Variants in FBN1 observed in about 807,000 individuals in gnomAD.
FBN1 encodes fibrillin-1.
A neutral mutation model predicts 365.1 loss-of-function variants in FBN1; 29 were observed. That is an observed-to-expected ratio of 0.08 (90% CI 0.06 to 0.11). FBN1 has a LOEUF of 0.11. Ranked by LOEUF, FBN1 falls within the 10% of genes least tolerant of loss-of-function variation. The probability of loss-of-function intolerance (pLI) is 1.00; values close to 1 mark genes in which losing one functional copy is unlikely to be tolerated. For missense variants in FBN1, 2,476 were observed against 3,703.2 expected (o/e 0.67, Z 8.60); for synonymous variants, 1,210 against 1,270.5 (o/e 0.95, Z 1.01).
chr15:48,489,956 A>G lies in FBN1; in HGVS notation c.2977T>C (p.Cys993Arg), dbSNP rs1206813753. The change falls in exon 25 of 66, where the codon TGC becomes CGC. Residue 993 changes from cysteine (C) to arginine (R), a missense_variant. Around this residue, in one of 5 missense-constraint regions of FBN1, gnomAD observed 1,780 missense variants for 2,840.8 expected, o/e 0.63. Coordinates refer to ENST00000316623, the MANE Select transcript of FBN1 (RefSeq NM_000138.5). ...GTATTTCTCATGGGACACTCCTCGC[A>G]TTCCTCAGTACCCCAGGCTGCCCCG... The part of the protein sequence containing the change: ...SVGAAWGTEE[C>R]EECPMRNTPE... 6.2e-7 allele frequency: 1 copy of G among 1,614,018 alleles called. No homozygotes were observed. The highest frequency in any genetic ancestry group is 8.5e-7 in the Non-Finnish European group (1 of 1,180,032).
Position 48,441,816 on chromosome 15 carries a change from A to G in FBN1, c.6068T>C (p.Ile2023Thr), listed in dbSNP as rs363803. ...GTTACTGCATGTGCCCAGGGCACAAATTTCTGGCTCTTCGACACACTCATC... is the reference window on the plus strand; with the variant it reads ...GTTACTGCATGTGCCCAGGGCACAAGTTTCTGGCTCTTCGACACACTCATC... ...DIDECVEEPE[I>T]CALGTCSNTE... The change falls in exon 50 of 66, where the codon ATT (isoleucine) becomes ACT (threonine). Residue 2023 changes from isoleucine (I) to threonine (T), a missense_variant. Physicochemically the swap from Ile to Thr is moderately conservative, Grantham distance 89 (BLOSUM62 -1). This residue lies in a region of FBN1 where 1,780 missense variants were observed against 2,840.8 expected (regional missense o/e 0.63). Coordinates refer to ENST00000316623, the MANE Select transcript of FBN1 (RefSeq NM_000138.5). 1 of 1,613,634 alleles carries G rather than the reference A, an allele frequency of 6.2e-7. No homozygotes were observed. Among genetic ancestry groups the G allele is most frequent in the Non-Finnish European group, 8.5e-7 (1 of 1,179,640 alleles).
chr15:48,414,641 A>C (rs1435495724), intron 64 of FBN1, among the ~76,000 whole-genome samples: 3 of 152,200 alleles, frequency 2.0e-5, no homozygotes, highest in Admixed American at 2.0e-4. Flanking sequence ...TCTCGCCTGT[A>C]ATCTCAGCAC....
chr15:48,470,023 G>A (rs9989269), intron 36 of FBN1, among the ~76,000 whole-genome samples: 1 of 151,986 alleles, frequency 6.6e-6, no homozygotes, highest in African/African-American at 2.4e-5. Flanking sequence ...TGAACAGAGG[G>A]GTGAATTAGG....
intron 43 of FBN1, among the ~76,000 whole-genome samples, chr15:48,458,988 C>T (rs973795323): frequency 6.6e-6 from 1 of 152,222 alleles, no homozygotes; most frequent in African/African-American, 2.4e-5. Flanking sequence ...GTTCTGGTCC[C>T]AGCTCTGTTA....
chr15:48,421,985 G>C lies in FBN1; in HGVS notation c.7537C>G (p.Pro2513Ala). ...TIGGFTCKCP[P>A]GFTQHHTSCI... ...GACGTATGGTGTTGGGTAAATCCGG[G>C]AGGACATTTGCATGTGAAGCCGCCA... Residue 2513 changes from proline (P) to alanine (A), a missense_variant, in exon 61 of 66, where the codon CCC becomes GCC. Pro to Ala is a conservative substitution (Grantham distance 27). Transcript: ENST00000316623. 2 of 1,614,032 alleles carry C rather than the reference G, an allele frequency of 1.2e-6. No individual in the cohort carries two copies. The highest frequency in any genetic ancestry group is 1.7e-6 in the Non-Finnish European group (2 of 1,179,924).
At chr15:48,634,328 A>T (rs1377994389) in intron 2 of FBN1, among the ~76,000 whole-genome samples, 3 of 152,192 alleles carry the variant, frequency 2.0e-5, no homozygotes, top group Non-Finnish European at 4.4e-5. Flanking sequence ...CTTTTCTGGC[A>T]TCCAAGTGTC....
chr15:48,521,062 A>G (rs2043851027), intron 9 of FBN1, among the ~76,000 whole-genome samples: 1 of 152,192 alleles, frequency 6.6e-6, no homozygotes, highest in Non-Finnish European at 1.5e-5. Context: ...TCCATACCCA[A>G]GGTGGGAACG....
chr15:48,632,262 G>A (rs1231881130), intron 2 of FBN1, among the ~76,000 whole-genome samples: 8 of 152,148 alleles, frequency 5.3e-5, no homozygotes, highest in Non-Finnish European at 1.2e-4. Flanking sequence ...ATGAGAAAGT[G>A]GAGACTGTGG....
At chr15:48,645,398 C>G (rs920892907) in intron 1 of FBN1, among the ~76,000 whole-genome samples, 177 bp downstream of exon 1, 1 of 152,258 alleles carries the variant, frequency 6.6e-6, no homozygotes, top group African/African-American at 2.4e-5. Flanking sequence ...CCAAGAGCCC[C>G]GGGCCAGGAA....
intron 60 of FBN1, among the ~76,000 whole-genome samples, chr15:48,424,969 T>C (rs917489371): frequency 3.9e-5 from 6 of 152,210 alleles, no homozygotes; most frequent in African/African-American, 9.6e-5. Flanking sequence ...TCTACGATCA[T>C]GGCACTGATT....
intron 17 of FBN1, among the ~76,000 whole-genome samples, chr15:48,502,230 G>A (rs2043666743): frequency 6.6e-6 from 1 of 152,078 alleles, no homozygotes; most frequent in Non-Finnish European, 1.5e-5. Flanking sequence ...ATTTTTAGTA[G>A]AGATGAGATT....
rs766839681 is a variant in FBN1 at position 48,515,397 on chromosome 15, C to T, written c.1458G>A (p.Gly486=). The stretch of plus-strand genomic sequence containing the variant: ...GGATGGATCACGTACCAATACACTC[C>T]CCACGGAGGTCCAGCTGGAACCCTT... ...CNKGFQLDLR[G]ECIDVDECEK... The change falls in exon 12 of 66, where the codon GGG becomes GGA. Residue 486 remains glycine, a synonymous_variant. Coordinates refer to ENST00000316623, the MANE Select transcript of FBN1 (RefSeq NM_000138.5). The T allele has an allele frequency of 1.2e-6, 2 of 1,613,794 alleles. No individual in the cohort carries two copies. The highest frequency in any genetic ancestry group is 1.7e-5 in the Admixed American group (1 of 59,980).
intron 6 of FBN1, among the ~76,000 whole-genome samples, chr15:48,546,799 C>T (rs1483753037): frequency 6.6e-6 from 1 of 152,086 alleles, no homozygotes; most frequent in Non-Finnish European, 1.5e-5. Flanking sequence ...GGAAGGCCAG[C>T]AGGTAGGGGA....
intron 56 of FBN1, among the ~76,000 whole-genome samples, chr15:48,429,582 C>T (rs376430199): frequency 1.1e-3 from 168 of 152,170 alleles, no homozygotes; most frequent in African/African-American, 3.9e-3. Flanking sequence ...GGTTCAAAAC[C>T]CCAATGCAAT....
Position 48,568,697 on chromosome 15 carries a change from C to T in FBN1, c.538+27586G>A, listed in dbSNP as rs530597914. 6.6e-5 allele frequency among the ~76,000 whole-genome samples: 10 copies of T among 152,056 alleles called. No individual in the cohort carries two copies. The South Asian group carries it at 1.7e-3, about 25-fold the overall frequency. On this transcript the variant is annotated intron_variant, in intron 6 of 65. Coordinates refer to ENST00000316623, the MANE Select transcript of FBN1 (RefSeq NM_000138.5). ...GGCCAGAAATAAACCCTTCTGGTTA[C>T]GGCTAACTGATTTTCAGCAAAAGTG...
intron 53 of FBN1, 134 bp downstream of exon 53, chr15:48,436,827 G>T: frequency 1.4e-6 from 1 of 730,842 alleles, no homozygotes; most frequent in Non-Finnish European, 2.5e-6. Flanking sequence ...TATTCTAAAT[G>T]AATGATGTAT....
At chr15:48,434,041 C>T (rs997586620) in intron 54 of FBN1, among the ~76,000 whole-genome samples, 1 of 152,114 alleles carries the variant, frequency 6.6e-6, no homozygotes, top group African/African-American at 2.4e-5. Context: ...TGGGAACCAC[C>T]CTTTGAGAGC....
chr15:48,474,764 G>C, intron 32 of FBN1, 114 bp from the exon 33 acceptor site: 1 of 1,337,620 alleles, frequency 7.5e-7, no homozygotes, highest in Non-Finnish European at 1.0e-6. Context: ...GTATAGTATA[G>C]ACTGGTTTTG....
At chr15:48,417,258 A>T (rs1292605369) in intron 63 of FBN1, among the ~76,000 whole-genome samples, 5 of 151,740 alleles carry the variant, frequency 3.3e-5, no homozygotes, top group African/African-American at 9.7e-5. Context: ...CTTTTTTTTT[A>T]AATTAGAAAA....
Sources: allele counts gnomAD v4.1 joint callset (sites outside exome capture counted in the v4.1 genomes callset), GRCh38; gene constraint gnomAD v4.1.1; regional missense constraint gnomAD v4.1.1; transcripts MANE v1.5; gene names NCBI Gene and HGNC (gene_info 2026-07-23, HGNC 2026-07-21).